The following NRG3 variants were observed in gnomAD, a reference collection of about 807,000 sequenced individuals.
NRG3 encodes neuregulin 3.
In NRG3, 31 loss-of-function variants were observed where a neutral mutation model predicts 66.9. That is an observed-to-expected ratio of 0.46 (90% CI 0.35 to 0.63). The LOEUF (loss-of-function observed/expected upper bound fraction) is 0.63, where lower values mean the gene tolerates loss of function less well. Ranked by LOEUF, NRG3 falls within the 20% of genes least tolerant of loss-of-function variation. The pLI is 0.00. For synonymous variants in NRG3, 393 were observed against 359.4 expected, an observed-to-expected ratio of 1.09 and a Z score of -1.06; for missense variants, 910 against 878.9, an observed-to-expected ratio of 1.04 and a Z score of -0.45.
chr10:82,333,277 G>T (rs1277968172), intron 1 of NRG3, among the ~76,000 whole-genome samples: 1 of 152,142 alleles, frequency 6.6e-6, no homozygotes, highest in Non-Finnish European at 1.5e-5. Context: ...CCACAAAATA[G>T]CCGCCACACA....
At chr10:82,806,740 G>T (rs1049294324) in intron 3 of NRG3, among the ~76,000 whole-genome samples, 4 of 152,188 alleles carry the variant, frequency 2.6e-5, no homozygotes, top group Non-Finnish European at 5.9e-5. Context: ...AGAAGATGAT[G>T]TAGATGACAG....
chr10:81,907,944 T>C (rs1032631662), intron 1 of NRG3, among the ~76,000 whole-genome samples: 1 of 152,206 alleles, frequency 6.6e-6, no homozygotes, highest in Non-Finnish European at 1.5e-5. Flanking sequence ...ACAAAAGGAA[T>C]CAATATGCCT....
chr10:82,016,520 A>G (rs2061793460), intron 1 of NRG3, among the ~76,000 whole-genome samples: 1 of 152,066 alleles, frequency 6.6e-6, no homozygotes, highest in Non-Finnish European at 1.5e-5. Flanking sequence ...ATCATTTGTT[A>G]TATTTCACAT....
chr10:82,450,079 TG>T (rs1208193824), intron 2 of NRG3, among the ~76,000 whole-genome samples: 8 of 152,246 alleles, frequency 5.3e-5, no homozygotes, highest in African/African-American at 1.9e-4. Context: ...GTTTGAGATA[TG>T]CTTTTACTTT....
At chr10:82,529,299 A>G (rs774531661) in intron 2 of NRG3, among the ~76,000 whole-genome samples, 1 of 152,198 alleles carries the variant, frequency 6.6e-6, no homozygotes, top group African/African-American at 2.4e-5. Flanking sequence ...AGCCAGTTCT[A>G]TGACCTGTGC....
At chr10:81,987,375 A>T (rs2060567703) in intron 1 of NRG3, among the ~76,000 whole-genome samples, 1 of 152,216 alleles carries the variant, frequency 6.6e-6, no homozygotes, top group Non-Finnish European at 1.5e-5. Flanking sequence ...GTGAGCCACC[A>T]TGCCTGGCCT....
Position 82,351,418 on chromosome 10 carries a change from T to C in NRG3, c.824-7321T>C, listed in dbSNP as rs77430108. 2.6e-3 allele frequency among the ~76,000 whole-genome samples: 393 copies of C among 152,336 alleles called. 2 individuals carry two copies. The highest frequency in any genetic ancestry group is 8.6e-3 in the African/African-American group (357 of 41,574). On this transcript the variant is annotated intron_variant, in intron 1 of 8. Transcript: ENST00000372141. ...TTAGAAAATTGCTTAGGAAACATGA[T>C]GTCAGAAGAAGGAGAGCCATGTAAT... is the stretch of plus-strand genomic sequence containing the variant.
At chr10:82,216,658 G>A (rs943231634) in intron 1 of NRG3, among the ~76,000 whole-genome samples, 9 of 150,886 alleles carry the variant, frequency 6.0e-5, no homozygotes, top group Admixed American at 2.0e-4. Flanking sequence ...TTTCTAATAT[G>A]TATTCATGTA....
intron 2 of NRG3, among the ~76,000 whole-genome samples, chr10:82,674,357 G>A (rs146379872): frequency 6.6e-5 from 10 of 152,148 alleles, no homozygotes; most frequent in Admixed American, 6.5e-4. Context: ...AACAACAATG[G>A]CTCTCAGTTG....
At chr10:81,992,594 G>A (rs1418243559) in intron 1 of NRG3, among the ~76,000 whole-genome samples, 1 of 152,144 alleles carries the variant, frequency 6.6e-6, no homozygotes, top group Admixed American at 6.5e-5. Flanking sequence ...TGCAAATACA[G>A]ATTTCAGCAA....
intron 4 of NRG3, among the ~76,000 whole-genome samples, chr10:82,947,917 A>C (rs953570340): frequency 3.3e-5 from 5 of 152,204 alleles, no homozygotes; most frequent in Admixed American, 1.3e-4. Context: ...TAATGTTGAT[A>C]GATAAAGTCC....
intron 2 of NRG3, among the ~76,000 whole-genome samples, chr10:82,510,154 T>C (rs1845043485): frequency 6.6e-6 from 1 of 152,116 alleles, no homozygotes; most frequent in South Asian, 2.1e-4. Flanking sequence ...ATCATTTGCT[T>C]CCCTTGGTCT....
chr10:82,098,245 T>TATATATATATGTCATATATAGATGTC (rs2066487842), intron 1 of NRG3, among the ~76,000 whole-genome samples: 1 of 151,030 alleles, frequency 6.6e-6, no homozygotes, highest in African/African-American at 2.4e-5. Flanking sequence ...AGATGTCATC[T>TATATATATATGTCATATATAGATGTC]ATATATATAT....
chr10:81,927,413 A>G (rs1846914120), intron 1 of NRG3, among the ~76,000 whole-genome samples: 1 of 152,196 alleles, frequency 6.6e-6, no homozygotes, highest in Non-Finnish European at 1.5e-5. Context: ...TAAAATGTCA[A>G]TTCTGACTAT....
At chr10:82,797,960 A>G (rs754136986) in intron 3 of NRG3, among the ~76,000 whole-genome samples, 1 of 152,218 alleles carries the variant, frequency 6.6e-6, no homozygotes, top group Non-Finnish European at 1.5e-5. Flanking sequence ...TGCAGTAACT[A>G]GTAAAATAAT....
At chr10:82,712,372 G>A (rs774520022) in intron 2 of NRG3, among the ~76,000 whole-genome samples, 15 of 152,176 alleles carry the variant, frequency 9.9e-5, no homozygotes, top group Non-Finnish European at 1.8e-4. Context: ...ATTTGTTTCC[G>A]ACGTGAAAGG....
chr10:82,402,872 C>T (rs2087212876), intron 2 of NRG3, among the ~76,000 whole-genome samples: 2 of 152,062 alleles, frequency 1.3e-5, no homozygotes, highest in Admixed American at 1.3e-4. Flanking sequence ...CTGTGAGATC[C>T]TCTTTCTCAT....
At chr10:82,390,350 G>A (rs1020338002) in intron 2 of NRG3, among the ~76,000 whole-genome samples, 5 of 151,754 alleles carry the variant, frequency 3.3e-5, no homozygotes, top group African/African-American at 1.2e-4. Context: ...TTGTGGGGGG[G>A]CTGGGGTGGA....
chr10:82,582,662 T>TTGTG (rs141112949), intron 2 of NRG3, among the ~76,000 whole-genome samples: 8,715 of 146,408 alleles, frequency 0.06, 329 homozygotes, highest in East Asian at 0.081. Context: ...TCTATATGTG[T>TTGTG]TGTGTGTGTG....
Sources: gnomAD v4.1 joint callset for allele counts (sites outside exome capture counted in the v4.1 genomes callset) on GRCh38, gnomAD v4.1.1 for gene constraint, MANE v1.5 for transcripts, NCBI Gene and HGNC (gene_info 2026-07-23, HGNC 2026-07-21) for gene names.